The following ANKRD11 variants were observed in gnomAD, a reference collection of about 807,000 sequenced individuals.
ANKRD11 encodes the protein ankyrin repeat domain-containing protein 11.
Under a neutral mutation model 195.7 loss-of-function variants are expected in ANKRD11, and 17 were observed. That is an observed-to-expected ratio of 0.09 (90% CI 0.06 to 0.13). The LOEUF (loss-of-function observed/expected upper bound fraction) is 0.13. Ranked by LOEUF, ANKRD11 falls within the 10% of genes least tolerant of loss-of-function variation. The pLI is 1.00. For synonymous variants in ANKRD11, 1,953 were observed against 1,528.1 expected (o/e 1.28, Z -6.49); for missense variants, 3,735 against 3,566.1 (o/e 1.05, Z -1.21).
chr16:89,354,500 C>T lies in ANKRD11; in HGVS notation c.-59-37422G>A, dbSNP rs189452760. ...AAATGTCACAGAGGGCAGAGGGCAGCGTGCCCAGCACCTGCTCTTGATAGG... is the reference window on the plus strand; with the variant it reads ...AAATGTCACAGAGGGCAGAGGGCAGTGTGCCCAGCACCTGCTCTTGATAGG... On this transcript the variant is annotated intron_variant, in intron 2 of 12. Transcript: ENST00000301030. Among the ~76,000 whole-genome samples, 199 of 152,298 alleles carry T rather than the reference C, an allele frequency of 1.3e-3. 1 individual carries two copies. The highest frequency in any genetic ancestry group is 4.6e-3 in the African/African-American group (190 of 41,566).
intron 2 of ANKRD11, among the ~76,000 whole-genome samples, chr16:89,360,903 A>G (rs1024369302): frequency 3.9e-5 from 6 of 152,138 alleles, no homozygotes; most frequent in African/African-American, 1.4e-4. Flanking sequence ...AACAGAATCC[A>G]CGGTCTCTTG....
chr16:89,293,868 C>T (rs189433488), intron 4 of ANKRD11, among the ~76,000 whole-genome samples: 10 of 152,262 alleles, frequency 6.6e-5, no homozygotes, highest in African/African-American at 1.9e-4. Flanking sequence ...GTCAGAGGAA[C>T]AGGCAGAGGC....
intron 4 of ANKRD11, 199 bp downstream of exon 4, chr16:89,305,007 G>A: frequency 1.3e-6 from 1 of 767,456 alleles, no homozygotes; most frequent in South Asian, 1.9e-5. Context: ...TCGGCCCCAT[G>A]GGCCTGAGCC....
intron 2 of ANKRD11, among the ~76,000 whole-genome samples, chr16:89,327,947 C>T (rs1425446305): frequency 6.6e-6 from 1 of 152,164 alleles, no homozygotes; most frequent in Non-Finnish European, 1.5e-5. Flanking sequence ...AGTGAAAAGA[C>T]AAACTGCAGA....
chr16:89,341,944 CA>C (rs2038692848), intron 2 of ANKRD11, among the ~76,000 whole-genome samples: 1 of 150,024 alleles, frequency 6.7e-6, no homozygotes, highest in African/African-American at 2.5e-5. Flanking sequence ...GCACCTCCTC[CA>C]CGAACAGCAG....
At chr16:89,452,881 T>C (rs899728336) in intron 1 of ANKRD11, among the ~76,000 whole-genome samples, 3 of 152,168 alleles carry the variant, frequency 2.0e-5, no homozygotes, top group Non-Finnish European at 2.9e-5. Flanking sequence ...CACATGGTCT[T>C]CTTGAAAGAA....
chr16:89,342,456 G>A (rs1021573572), intron 2 of ANKRD11, among the ~76,000 whole-genome samples: 6 of 152,214 alleles, frequency 3.9e-5, no homozygotes, highest in Admixed American at 2.6e-4. Flanking sequence ...CAAAGAACTC[G>A]CCCAACAGGA....
At chr16:89,377,152 T>C (rs552918390) in intron 2 of ANKRD11, among the ~76,000 whole-genome samples, 1 of 152,258 alleles carries the variant, frequency 6.6e-6, no homozygotes, top group African/African-American at 2.4e-5. Context: ...AGCAGAGGCG[T>C]CAACGTGGTC....
chr16:89,477,132 T>A (rs954508349), intron 1 of ANKRD11, among the ~76,000 whole-genome samples: 3 of 152,124 alleles, frequency 2.0e-5, no homozygotes, highest in Non-Finnish European at 4.4e-5. Flanking sequence ...GCTAGTTAAA[T>A]TTATATCTCA....
chr16:89,299,360 C>CT (rs200263991), intron 4 of ANKRD11: 1 of 206,758 alleles, frequency 4.8e-6, no homozygotes, highest in Non-Finnish European at 9.8e-6. Context: ...GGTCTGTGCC[C>CT]TGTGTGGGGT....
chr16:89,279,701 G>C lies in ANKRD11; in HGVS notation c.6841C>G (p.Gln2281Glu). The C allele has an allele frequency of 2.0e-6, 3 of 1,514,318 alleles. No individual in the cohort carries two copies. Among genetic ancestry groups the C allele is most frequent in the Non-Finnish European group, 2.6e-6 (3 of 1,135,140 alleles). 93.8% of individuals were successfully genotyped at this position (1,514,318 alleles called of 1,614,324 possible). ...PDGPAPNTVA[Q>E]AQAADGAGPE... is the part of the protein sequence containing the mutation. ...CCGGCACCGTCTGCGGCCTGAGCTT[G>C]TGCCACAGTGTTCGGGGCGGGGCCG... Residue 2281 changes from glutamine to glutamate, a missense_variant, in exon 9 of 13, where the codon CAA (glutamine) becomes GAA (glutamate). Gln to Glu is a conservative substitution (Grantham distance 29). Transcript: ENST00000301030. The surrounding 1 kb of genome is among the most constrained non-coding windows in gnomAD (Gnocchi z 5.6).
At chr16:89,386,691 G>C (rs1390805059) in intron 2 of ANKRD11, among the ~76,000 whole-genome samples, 1 of 152,216 alleles carries the variant, frequency 6.6e-6, no homozygotes, top group African/African-American at 2.4e-5. Flanking sequence ...AGGTGGAAAA[G>C]CAGACACGCT....
chr16:89,432,820 G>A lies in ANKRD11; in HGVS notation c.-144-14452C>T, dbSNP rs139099444. Reference sequence around the variant, plus strand: ...ATTTGGCATGGTGGTACACGCCTGTGGTCCCAGCTACTCAGTAGAATCACT... The same window carrying A: ...ATTTGGCATGGTGGTACACGCCTGTAGTCCCAGCTACTCAGTAGAATCACT... On this transcript the variant is annotated intron_variant, in intron 1 of 12. Coordinates refer to ENST00000301030, the MANE Select transcript of ANKRD11 (RefSeq NM_013275.6). 4.1e-4 allele frequency among the ~76,000 whole-genome samples: 63 copies of A among 152,040 alleles called. No homozygotes were observed. The East Asian group carries it at 0.011, about 26-fold the overall frequency.
intron 1 of ANKRD11, among the ~76,000 whole-genome samples, chr16:89,443,729 A>C (rs1190734645): frequency 6.6e-6 from 1 of 152,226 alleles, no homozygotes; most frequent in Non-Finnish European, 1.5e-5. Flanking sequence ...CCTTTATTAC[A>C]TGTAAAGATA....
At chr16:89,294,904 G>T (rs1009908380) in intron 4 of ANKRD11, among the ~76,000 whole-genome samples, 1 of 152,226 alleles carries the variant, frequency 6.6e-6, no homozygotes, top group South Asian at 2.1e-4. Flanking sequence ...GAGGCGCGGG[G>T]TGTTGTCTGC....
In ANKRD11 at chr16:89,291,007, G is replaced by A. The variant is rs1433854952; in HGVS notation, c.397+6C>T. 1.9e-6 allele frequency: 3 copies of A among 1,610,636 alleles called. No individual in the cohort carries two copies. The East Asian group carries it at 6.7e-5, about 36-fold the overall frequency. Reference sequence around the variant, plus strand: ...GCGCCAGGGACCACCCACAGGCCGGGCTCACCTGGGCTGTTGGCAGACTCC... The same window carrying A: ...GCGCCAGGGACCACCCACAGGCCGGACTCACCTGGGCTGTTGGCAGACTCC... On this transcript the variant is annotated splice_donor_region_variant and intron_variant, in intron 5 of 12. Coordinates refer to ENST00000301030, the MANE Select transcript of ANKRD11 (RefSeq NM_013275.6). This position sits in a 1 kb window ranked among gnomAD's most constrained non-coding sequence, Gnocchi z 5.3.
intron 2 of ANKRD11, among the ~76,000 whole-genome samples, chr16:89,372,627 T>C (rs1011260322): frequency 6.6e-6 from 1 of 152,162 alleles, no homozygotes; most frequent in Non-Finnish European, 1.5e-5. Context: ...AATTAAAAAA[T>C]GTTTAAAGAA....
chr16:89,274,585 GC>G (rs2033476952), intron 11 of ANKRD11: 2 of 629,280 alleles, frequency 3.2e-6, no homozygotes, highest in South Asian at 3.7e-5. Context: ...CAGCCCAGTG[GC>G]CTGAGGGCCT....
At chr16:89,430,818 G>A (rs1393352861) in intron 1 of ANKRD11, among the ~76,000 whole-genome samples, 2 of 152,194 alleles carry the variant, frequency 1.3e-5, no homozygotes, top group East Asian at 3.9e-4. Flanking sequence ...ACAAAAGGGA[G>A]TTTGCTCCTC....
Sources: gnomAD v4.1 joint callset for allele counts (sites outside exome capture counted in the v4.1 genomes callset) on GRCh38, gnomAD v4.1.1 for gene constraint, Gnocchi (gnomAD v3.1) non-coding constraint, MANE v1.5 for transcripts, NCBI Gene and HGNC (gene_info 2026-07-23, HGNC 2026-07-21) for gene names.